Variants in PEAK1 observed in about 807,000 individuals in gnomAD.
PEAK1 encodes the protein pseudopodium enriched atypical kinase 1, also known as inactive tyrosine-protein kinase PEAK1.
In PEAK1, 54 loss-of-function variants were observed where a neutral mutation model predicts 124.7. The ratio of observed to expected loss-of-function variants is 0.43; its 90% CI spans 0.35 to 0.54. PEAK1 has a LOEUF of 0.54. Among genes scored for constraint, PEAK1 ranks in the 20% least tolerant of loss-of-function variants. PEAK1 has a pLI of 0.01. For missense variants in PEAK1, 2,046 were observed against 2,134.5 expected (o/e 0.96, Z 0.82); for synonymous variants, 719 against 760.0 (o/e 0.95, Z 0.89).
intron 9 of PEAK1, among the ~76,000 whole-genome samples, chr15:77,127,696 G>A (rs2052501556): frequency 6.6e-6 from 1 of 152,174 alleles, no homozygotes; most frequent in Non-Finnish European, 1.5e-5. Flanking sequence ...AATAAAATGT[G>A]AAAGGAGAGA....
chr15:77,174,383 C>T (rs919652495), intron 7 of PEAK1, among the ~76,000 whole-genome samples: 4 of 152,024 alleles, frequency 2.6e-5, no homozygotes, highest in African/African-American at 4.8e-5. Flanking sequence ...AGCTCCCAGC[C>T]GTGGGGTGGT....
intron 5 of PEAK1, among the ~76,000 whole-genome samples, chr15:77,271,171 C>A (rs1195816022): frequency 2.6e-5 from 4 of 152,124 alleles, no homozygotes; most frequent in African/African-American, 4.8e-5. Context: ...CCAAAAGACA[C>A]ATGAAAAAAT....
At chr15:77,407,950 TACAC>T (rs1483461231) in intron 1 of PEAK1, among the ~76,000 whole-genome samples, 1 of 81,860 alleles carries the variant, frequency 1.2e-5, no homozygotes. Flanking sequence ...TATACACATA[TACAC>T]ACATATATAC....
chr15:77,404,021 G>GGTA, intron 1 of PEAK1: 1 of 976,250 alleles, frequency 1.0e-6, no homozygotes, highest in Middle Eastern at 5.3e-4. Flanking sequence ...CATAGTACCT[G>GGTA]GTAGTTAAAA....
chr15:77,179,424 T>C lies in PEAK1; in HGVS notation c.2503A>G (p.Thr835Ala), dbSNP rs1164323196. The C allele has an allele frequency of 3.1e-6, 5 of 1,613,998 alleles. No homozygotes were observed. In the East Asian group the frequency reaches 1.1e-4, roughly 36 times the overall value. Residue 835 changes from threonine to alanine, a missense_variant, in exon 7 of 10, where the codon ACA (threonine) becomes GCA (alanine). Transcript: ENST00000682557. ...PSGEAEAPQT[T>A]DSPTTKVQKD... ...TGTACTTTGGTGGTAGGACTGTCTG[T>C]GGTCTGAGGTGCTTCAGCCTCACCA...
intron 6 of PEAK1, among the ~76,000 whole-genome samples, chr15:77,249,160 T>G (rs371652980): frequency 2.0e-5 from 3 of 151,912 alleles, no homozygotes; most frequent in Non-Finnish European, 2.9e-5. Flanking sequence ...TCTGGACAAA[T>G]TGCACATAGG....
intron 8 of PEAK1, among the ~76,000 whole-genome samples, chr15:77,152,182 T>G (rs983770872): frequency 2.0e-5 from 3 of 152,110 alleles, no homozygotes; most frequent in African/African-American, 7.2e-5. Flanking sequence ...GGTTTGTAGT[T>G]CTCCTTGAAG....
intron 5 of PEAK1, among the ~76,000 whole-genome samples, chr15:77,282,755 G>A (rs2062735494): frequency 6.6e-6 from 1 of 152,110 alleles, no homozygotes; most frequent in Admixed American, 6.5e-5. Flanking sequence ...TACAGTCTGG[G>A]TTAGCAAGAC....
At chr15:77,167,633 T>A (rs2056194570) in intron 7 of PEAK1, among the ~76,000 whole-genome samples, 2 of 152,218 alleles carry the variant, frequency 1.3e-5, no homozygotes, top group Non-Finnish European at 2.9e-5. Context: ...AATTATTTTC[T>A]CTTTATGAGA....
intron 9 of PEAK1, among the ~76,000 whole-genome samples, chr15:77,126,144 T>C (rs1000400015): frequency 3.3e-5 from 5 of 152,234 alleles, no homozygotes; most frequent in Non-Finnish European, 7.3e-5. Flanking sequence ...CAGCTTGACA[T>C]AGGAATTATT....
chr15:77,210,917 A>AGTTTAATG (rs1171958860), intron 6 of PEAK1, among the ~76,000 whole-genome samples: 1 of 152,162 alleles, frequency 6.6e-6, no homozygotes, highest in Non-Finnish European at 1.5e-5. Flanking sequence ...TTCACAAGGA[A>AGTTTAATG]GTTTAATGAT....
At chr15:77,173,081 T>G (rs1001157763) in intron 7 of PEAK1, among the ~76,000 whole-genome samples, 7 of 151,944 alleles carry the variant, frequency 4.6e-5, no homozygotes, top group African/African-American at 1.7e-4. Context: ...GAAACTCACT[T>G]AAAAACAACA....
chr15:77,378,603 T>C (rs2069225543), intron 1 of PEAK1, among the ~76,000 whole-genome samples: 1 of 152,216 alleles, frequency 6.6e-6, no homozygotes, highest in South Asian at 2.1e-4. Context: ...TAACATTTTA[T>C]GTCTTAGTGG....
intron 2 of PEAK1, among the ~76,000 whole-genome samples, chr15:77,290,524 A>G (rs1206447951): frequency 6.6e-6 from 1 of 151,872 alleles, no homozygotes; most frequent in Admixed American, 6.6e-5. Context: ...AAGTGCTGGG[A>G]TTACAGGCAT....
chr15:77,403,405 A>C (rs1240598073), intron 1 of PEAK1: 3 of 920,132 alleles, frequency 3.3e-6, no homozygotes, highest in Non-Finnish European at 3.9e-6. Context: ...GTAAGTAAAA[A>C]TACAACCATG....
At chr15:77,364,479 GA>G (rs1174646759) in intron 2 of PEAK1, among the ~76,000 whole-genome samples, 2 of 152,008 alleles carry the variant, frequency 1.3e-5, no homozygotes, top group Admixed American at 1.3e-4. Flanking sequence ...TTTTTTTAAA[GA>G]AAAAAATAAT....
intron 6 of PEAK1, among the ~76,000 whole-genome samples, chr15:77,216,974 C>G (rs963383773): frequency 6.6e-6 from 1 of 152,090 alleles, no homozygotes; most frequent in African/African-American, 2.4e-5. Context: ...GGGGCTCACA[C>G]CTGTAATCTC....
At chr15:77,127,033 A>G (rs1357240190) in intron 9 of PEAK1, among the ~76,000 whole-genome samples, 1 of 152,190 alleles carries the variant, frequency 6.6e-6, no homozygotes, top group Non-Finnish European at 1.5e-5. Flanking sequence ...AGGGCTAACA[A>G]GGAGGTAATT....
intron 1 of PEAK1, among the ~76,000 whole-genome samples, chr15:77,414,149 C>CTTCCTTCCTTCTTTCTCT (rs2072647898): frequency 8.3e-6 from 1 of 120,998 alleles, no homozygotes; most frequent in Non-Finnish European, 1.9e-5. Flanking sequence ...TCTTTCTTTC[C>CTTCCTTCCTTCTTTCTCT]TTCCTTCCTT....
Sources: gnomAD v4.1 joint callset for allele counts (sites outside exome capture counted in the v4.1 genomes callset) on GRCh38, gnomAD v4.1.1 for gene constraint, MANE v1.5 for transcripts, NCBI Gene and HGNC (gene_info 2026-07-23, HGNC 2026-07-21) for gene names.